Variants in DCUN1D2 observed in about 807,000 individuals in gnomAD.
DCUN1D2 encodes defective in cullin neddylation 1 domain containing 2.
DCUN1D2 carries 29 observed loss-of-function variants against 30.9 expected under a neutral mutation model. The ratio of observed to expected loss-of-function variants is 0.94; its 90% confidence interval spans 0.70 to 1.28. The LOEUF is 1.28. Ranked by LOEUF, DCUN1D2 falls within the 50% of genes most tolerant of loss-of-function variation. The pLI, the probability that DCUN1D2 is intolerant of heterozygous loss-of-function variation, is 0.00. For synonymous variants in DCUN1D2, 121 were observed against 115.3 expected (o/e 1.05, Z -0.32); for missense variants, 325 against 316.9 (o/e 1.03, Z -0.19).
rs545735729 is a variant in DCUN1D2, at chr13:113,466,968, G to A, written c.521-5832C>T. On this transcript the variant is annotated intron_variant, in intron 4 of 6. Transcript: ENST00000478244. ...ACTACAGGCGCCCGCCACCACGCCCGGCTAATTTTTTATATTTTTTTAGTA... is the reference window on the plus strand; with the variant it reads ...ACTACAGGCGCCCGCCACCACGCCCAGCTAATTTTTTATATTTTTTTAGTA... Among the ~76,000 whole-genome samples, 429 of 152,048 alleles carry A rather than the reference G, an allele frequency of 2.8e-3. 1 individual carries two copies. The highest frequency in any genetic ancestry group is 9.8e-3 in the African/African-American group (407 of 41,488).
chr13:113,483,774 A>T, intron 2 of DCUN1D2, 66 bp downstream of exon 2: 1 of 1,501,000 alleles, frequency 6.7e-7, no homozygotes, highest in Non-Finnish European at 9.1e-7. Context: ...AGAACCCTGG[A>T]AGTGCAGCGC....
At chr13:113,471,976 A>C (rs2044524580) in intron 4 of DCUN1D2, among the ~76,000 whole-genome samples, 1 of 152,186 alleles carries the variant, frequency 6.6e-6, no homozygotes, top group Non-Finnish European at 1.5e-5. Flanking sequence ...TGTGCCTGGA[A>C]AACAAAGGTA....
At chr13:113,486,085 C>T (rs1467879039) in intron 1 of DCUN1D2, among the ~76,000 whole-genome samples, 1 of 152,102 alleles carries the variant, frequency 6.6e-6, no homozygotes, top group African/African-American at 2.4e-5. Flanking sequence ...CAAGAACTCT[C>T]ATTTAAGAAT....
intron 4 of DCUN1D2, among the ~76,000 whole-genome samples, chr13:113,464,883 G>A (rs1189792048): frequency 2.6e-5 from 4 of 152,276 alleles, no homozygotes; most frequent in African/African-American, 7.2e-5. Flanking sequence ...TGAAGCCCCA[G>A]GGCCTGTGTT....
Position 113,457,103 on chromosome 13 carries a change from C to T in DCUN1D2, c.*926G>A, listed in dbSNP as rs1404586103. The stretch of plus-strand genomic sequence containing the variant: ...CCATGTTGGCCAGGCTGGTCTCAAA[C>T]TCCTGACCTCAGGTGATCCACCTGC... On this transcript the variant is annotated 3_prime_UTR_variant, in exon 7 of 7. Transcript: ENST00000478244. 6.6e-6 allele frequency: 1 copy of T among 152,174 alleles called. No homozygotes were observed. Among genetic ancestry groups the T allele is most frequent in the African/African-American group, 2.4e-5 (1 of 41,430 alleles). 9.4% of individuals were successfully genotyped at this position (152,174 alleles called of 1,614,324 possible).
intron 4 of DCUN1D2, among the ~76,000 whole-genome samples, chr13:113,461,706 A>G (rs2044320834): frequency 6.6e-6 from 1 of 152,248 alleles, no homozygotes; most frequent in Non-Finnish European, 1.5e-5. Flanking sequence ...ATGCATCTAC[A>G]CAGGACACTG....
intron 4 of DCUN1D2, among the ~76,000 whole-genome samples, chr13:113,462,118 G>A (rs1364245186): frequency 6.6e-6 from 1 of 151,982 alleles, no homozygotes; most frequent in Non-Finnish European, 1.5e-5. Context: ...TGGGCGTGGT[G>A]GCTCATGCCT....
At chr13:113,479,415 G>A (rs2044669558) in intron 3 of DCUN1D2, among the ~76,000 whole-genome samples, 1 of 152,110 alleles carries the variant, frequency 6.6e-6, no homozygotes, top group South Asian at 2.1e-4. Flanking sequence ...CCTCAAAGCT[G>A]TTTTAGTTGT....
chr13:113,489,838 A>T (rs979436254), intron 1 of DCUN1D2, among the ~76,000 whole-genome samples: 2 of 151,956 alleles, frequency 1.3e-5, no homozygotes, highest in Non-Finnish European at 2.9e-5. Context: ...CCACTCCCAC[A>T]GCCGCATCCT....
intron 2 of DCUN1D2, among the ~76,000 whole-genome samples, chr13:113,482,945 A>AAC (rs375385163): frequency 4.1e-4 from 63 of 151,896 alleles, no homozygotes; most frequent in Non-Finnish European, 5.7e-4. Context: ...CCGTCACATA[A>AAC]ACACACACAC....
At chr13:113,480,866 C>A in intron 2 of DCUN1D2, 123 bp from the exon 3 acceptor site, 1 of 902,190 alleles carries the variant, frequency 1.1e-6, no homozygotes, top group South Asian at 1.9e-5. Flanking sequence ...TCCAATACAT[C>A]AATCAATAGG....
At chr13:113,490,721 G>A (rs1208185806), upstream of DCUN1D2, 1 of 1,187,362 alleles carries the variant, frequency 8.4e-7, no homozygotes, top group African/African-American at 1.6e-5. The surrounding 1 kb of genome is among the most constrained non-coding windows in gnomAD (Gnocchi z 5.2). Context: ...CGCAGGCGCG[G>A]CGGCGGCTCC....
At chr13:113,481,663 C>T (rs1323821943) in intron 2 of DCUN1D2, among the ~76,000 whole-genome samples, 1 of 152,166 alleles carries the variant, frequency 6.6e-6, no homozygotes, top group Non-Finnish European at 1.5e-5. Flanking sequence ...GCGGGTGGAT[C>T]ACCTGAGCTC....
intron 1 of DCUN1D2, chr13:113,489,146 C>A (rs1419237003): frequency 2.0e-6 from 2 of 985,296 alleles, no homozygotes; most frequent in African/African-American, 3.5e-5. Context: ...TTATGGATCA[C>A]TTTCACTCTG....
At chr13:113,485,176 C>T (rs1324301393) in intron 1 of DCUN1D2, among the ~76,000 whole-genome samples, 5 of 152,080 alleles carry the variant, frequency 3.3e-5, no homozygotes, top group Admixed American at 3.3e-4. Flanking sequence ...TCCAAACAGA[C>T]CCTAGAATCC....
At position 113,486,379 on chromosome 13, in the gene DCUN1D2, T is replaced by C. The variant is rs537332071; in HGVS notation, c.4-2323A>G. Reference sequence around the variant, plus strand: ...GGCAGGAGGGAGAGGATCCCAAAACTACCCACCGGCTACTGTGCTTAGTAC... The same window carrying C: ...GGCAGGAGGGAGAGGATCCCAAAACCACCCACCGGCTACTGTGCTTAGTAC... On this transcript the variant is annotated intron_variant, in intron 1 of 6. Transcript: ENST00000478244. Among the ~76,000 whole-genome samples the C allele has an allele frequency of 3.9e-5, 6 of 152,240 alleles. No homozygotes were observed. In the South Asian group the frequency reaches 1.2e-3, roughly 32 times the overall value.
chr13:113,471,192 GGACCCAACTCCACAGAA>G (rs1218600924), intron 4 of DCUN1D2, among the ~76,000 whole-genome samples: 45 of 138,984 alleles, frequency 3.2e-4, no homozygotes, highest in Non-Finnish European at 5.7e-4. Context: ...ACTCCACAGG[GGACCCAACTCCACAGAA>G]GACCCAACTC....
At chr13:113,472,891 C>T (rs1192329102) in intron 4 of DCUN1D2, among the ~76,000 whole-genome samples, 1 of 152,118 alleles carries the variant, frequency 6.6e-6, no homozygotes, top group East Asian at 1.9e-4. Flanking sequence ...AGTGTGGGGC[C>T]GAGACGCGTC....
chr13:113,462,937 A>G, intron 4 of DCUN1D2: 1 of 1,164,798 alleles, frequency 8.6e-7, no homozygotes, highest in South Asian at 1.7e-5. Context: ...CATTTAATCT[A>G]GTTACTTTGG....
Sources: allele counts gnomAD v4.1 joint callset (sites outside exome capture counted in the v4.1 genomes callset), GRCh38; gene constraint gnomAD v4.1.1; non-coding constraint Gnocchi (gnomAD v3.1); transcripts MANE v1.5; gene names NCBI Gene and HGNC (gene_info 2026-07-23, HGNC 2026-07-21).